EYA2: variants seen among roughly 807,000 people sequenced by gnomAD.
EYA2 encodes the protein EYA transcriptional coactivator and phosphatase 2.
Under a neutral mutation model 69.2 loss-of-function variants are expected in EYA2, and 31 were observed. That is an observed-to-expected ratio of 0.45 (90% CI 0.34 to 0.60). The LOEUF (loss-of-function observed/expected upper bound fraction) is 0.60, where lower values mean the gene tolerates loss of function less well. Ranked by LOEUF, EYA2 falls within the 20% of genes least tolerant of loss-of-function variation. The pLI, the probability that EYA2 is intolerant of heterozygous loss-of-function variation, is 0.02. For synonymous variants in EYA2, 257 were observed against 279.4 expected (o/e 0.92, Z 0.80); for missense variants, 622 against 701.2 (o/e 0.89, Z 1.28).
intron 7 of EYA2, among the ~76,000 whole-genome samples, chr20:47,075,097 G>A (rs1419107055): frequency 1.3e-5 from 2 of 152,228 alleles, no homozygotes; most frequent in Admixed American, 6.5e-5. Context: ...GGCAACAAGA[G>A]TGAAACTCCA....
At chr20:46,978,270 G>A (rs1255638947) in intron 1 of EYA2, 3 of 268,452 alleles carry the variant, frequency 1.1e-5, no homozygotes, top group African/African-American at 6.6e-5. Context: ...TGAGAGTCAT[G>A]GGGAGACCTA....
At chr20:46,927,841 C>G (rs553220049) in intron 1 of EYA2, among the ~76,000 whole-genome samples, 2 of 152,138 alleles carry the variant, frequency 1.3e-5, no homozygotes, top group Non-Finnish European at 2.9e-5. Flanking sequence ...GTTTTGTCAC[C>G]TATAAAATAC....
chr20:46,943,998 A>G (rs1274632862), intron 1 of EYA2, among the ~76,000 whole-genome samples: 3 of 152,160 alleles, frequency 2.0e-5, no homozygotes, highest in Non-Finnish European at 2.9e-5. Flanking sequence ...GCCAAAAACA[A>G]GCAGGGTGGA....
intron 1 of EYA2, among the ~76,000 whole-genome samples, chr20:46,983,159 A>G (rs1980949971): frequency 6.6e-6 from 1 of 152,212 alleles, no homozygotes; most frequent in South Asian, 2.1e-4. Context: ...CACAGTTGCT[A>G]GGGACTCCGT....
intron 2 of EYA2, among the ~76,000 whole-genome samples, chr20:47,000,833 T>G (rs543037895): frequency 1.3e-5 from 2 of 152,246 alleles, no homozygotes; most frequent in South Asian, 2.1e-4. Context: ...AAGTGGTTCC[T>G]TCCCCTAAAG....
At chr20:47,171,599 G>A (rs2034323841) in intron 11 of EYA2, among the ~76,000 whole-genome samples, 1 of 151,958 alleles carries the variant, frequency 6.6e-6, no homozygotes. Context: ...TTGAGCAATT[G>A]GCCCAAACTC....
intron 5 of EYA2, among the ~76,000 whole-genome samples, chr20:47,047,244 T>C (rs1316727764): frequency 6.6e-6 from 1 of 151,940 alleles, no homozygotes; most frequent in Non-Finnish European, 1.5e-5. Flanking sequence ...TGGGCATGCA[T>C]GAATGAGTGC....
At chr20:47,045,534 C>T (rs1030680978) in intron 5 of EYA2, among the ~76,000 whole-genome samples, 3 of 152,218 alleles carry the variant, frequency 2.0e-5, no homozygotes, top group African/African-American at 7.2e-5. Context: ...GGTCAGCCTA[C>T]CACATCCTGT....
intron 10 of EYA2, among the ~76,000 whole-genome samples, chr20:47,159,776 G>A (rs1345939316): frequency 6.6e-6 from 1 of 152,094 alleles, no homozygotes; most frequent in South Asian, 2.1e-4. Flanking sequence ...GATCACTTGT[G>A]GTCAGGAGTT....
At chr20:47,184,287 A>G (rs988621484) in intron 15 of EYA2, among the ~76,000 whole-genome samples, 3 of 152,200 alleles carry the variant, frequency 2.0e-5, no homozygotes, top group Non-Finnish European at 2.9e-5. Context: ...GTGTGTGGCC[A>G]GGCTGTGGCT....
At chr20:47,169,368 G>A (rs1035442983) in intron 11 of EYA2, among the ~76,000 whole-genome samples, 171 bp downstream of exon 11, 11 of 152,118 alleles carry the variant, frequency 7.2e-5, no homozygotes, top group Admixed American at 1.3e-4. Context: ...ACAACTAGGC[G>A]GGTGTGGTGG....
intron 10 of EYA2, chr20:47,161,008 G>A (rs1056181222): frequency 3.7e-5 from 12 of 324,364 alleles, no homozygotes; most frequent in Middle Eastern, 1.0e-3. Context: ...CTTAGAGATA[G>A]CATCAAAGGT....
Position 47,089,333 on chromosome 20 carries a change from G to T in EYA2, c.756G>T (p.Arg252=), listed in dbSNP as rs201426141. 1.3e-4 allele frequency: 206 copies of T among 1,614,212 alleles called. No individual in the cohort carries two copies. In the East Asian group the frequency reaches 4.4e-3, roughly 35 times the overall value. ...HRASDGKLRG[R]SKRSSDPSPA... Reference sequence around the variant, plus strand: ...CCTCCGACGGGAAGCTCCGAGGCCGGTCTAAGAGGAGCAGTGACCCGTCCC... The same window carrying T: ...CCTCCGACGGGAAGCTCCGAGGCCGTTCTAAGAGGAGCAGTGACCCGTCCC... The change falls in exon 8 of 16, where the codon CGG becomes CGT. Residue 252 remains arginine, a synonymous_variant. Coordinates refer to ENST00000327619, the MANE Select transcript of EYA2 (RefSeq NM_005244.5).
rs138863405 is a variant in EYA2 at position 47,092,019 on chromosome 20, C to T, written c.804+2638C>T. Reference sequence around the variant, plus strand: ...ACAATGGGGAAGGAAAACTAGGATGCTCTTTTCAGAAGCCCTGAAGTTGGA... The same window carrying T: ...ACAATGGGGAAGGAAAACTAGGATGTTCTTTTCAGAAGCCCTGAAGTTGGA... On this transcript the variant is annotated intron_variant, in intron 8 of 15. Coordinates refer to ENST00000327619, the MANE Select transcript of EYA2 (RefSeq NM_005244.5). Among the ~76,000 whole-genome samples the T allele has an allele frequency of 5.5e-3, 830 of 152,208 alleles. 9 individuals carry two copies. Among genetic ancestry groups the T allele is most frequent in the African/African-American group, 0.019 (792 of 41,530 alleles).
chr20:47,142,366 G>A (rs962760900), intron 9 of EYA2, among the ~76,000 whole-genome samples: 4 of 152,226 alleles, frequency 2.6e-5, no homozygotes, highest in Non-Finnish European at 4.4e-5. Context: ...TTGCACAAGT[G>A]TGCAAATTCA....
At chr20:47,169,983 G>T (rs1279899016) in intron 11 of EYA2, among the ~76,000 whole-genome samples, 1 of 151,854 alleles carries the variant, frequency 6.6e-6, no homozygotes, top group African/African-American at 2.4e-5. Context: ...TCAGCTCACT[G>T]CAACCTCCAC....
intron 1 of EYA2, among the ~76,000 whole-genome samples, chr20:46,928,723 T>A (rs1202854278): frequency 3.3e-5 from 5 of 152,240 alleles, no homozygotes; most frequent in African/African-American, 1.2e-4. Flanking sequence ...AACGCTTGGA[T>A]TGTCGATGTA....
At chr20:46,940,636 T>C (rs1986115052) in intron 1 of EYA2, among the ~76,000 whole-genome samples, 1 of 152,156 alleles carries the variant, frequency 6.6e-6, no homozygotes. Context: ...TCTGTGGGCC[T>C]CTTGTCCCTG....
chr20:47,156,123 CACACATATATATAT>C (rs1568814132), intron 10 of EYA2, among the ~76,000 whole-genome samples: 7 of 23,952 alleles, frequency 2.9e-4, no homozygotes, highest in Non-Finnish European at 3.7e-4. Flanking sequence ...CACACACACA[CACACATATATATAT>C]ATATATATAT....
Sources: allele counts gnomAD v4.1 joint callset (sites outside exome capture counted in the v4.1 genomes callset), GRCh38; gene constraint gnomAD v4.1.1; transcripts MANE v1.5; gene names NCBI Gene and HGNC (gene_info 2026-07-23, HGNC 2026-07-21).